MED27: variants seen among roughly 807,000 people sequenced by gnomAD.
MED27 encodes the protein mediator of RNA polymerase II transcription subunit 27.
Under a neutral mutation model 38.2 loss-of-function variants are expected in MED27, and 30 were observed. The ratio of observed to expected loss-of-function variants is 0.79; its 90% CI spans 0.59 to 1.07. The LOEUF (loss-of-function observed/expected upper bound fraction) is 1.07, where lower values mean the gene tolerates loss of function less well. MED27 is among the 50% of genes least tolerant of loss of function. The probability of loss-of-function intolerance (pLI) is 0.00; values close to 1 mark genes in which losing one functional copy is unlikely to be tolerated. For synonymous variants in MED27, 122 were observed against 153.5 expected, an observed-to-expected ratio of 0.79 and a Z score of 1.52; for missense variants, 289 against 397.5, an observed-to-expected ratio of 0.73 and a Z score of 2.32.
chr9:132,032,293 T>G (rs1267241001), intron 2 of MED27: 3 of 152,226 alleles, frequency 2.0e-5, no homozygotes, highest in African/African-American at 7.2e-5. Context: ...CTCCTTTTTA[T>G]AGGTTCTTAT....
At chr9:132,050,357 C>T (rs1833436819) in intron 2 of MED27, among the ~76,000 whole-genome samples, 2 of 152,264 alleles carry the variant, frequency 1.3e-5, no homozygotes, top group South Asian at 2.1e-4. Context: ...AGATGAGGGG[C>T]GGTCCAGGTG....
chr9:131,969,683 G>A (rs1193469659), intron 3 of MED27, among the ~76,000 whole-genome samples: 3 of 152,116 alleles, frequency 2.0e-5, no homozygotes, highest in South Asian at 2.1e-4. Flanking sequence ...GAGCAGGTCC[G>A]GGGTGATGTG....
At chr9:132,053,308 T>C (rs1355216975) in intron 2 of MED27, among the ~76,000 whole-genome samples, 1 of 150,710 alleles carries the variant, frequency 6.6e-6, no homozygotes, top group Non-Finnish European at 1.5e-5. Context: ...TGAGTTAGGC[T>C]GGCTGCTGAG....
intron 4 of MED27, among the ~76,000 whole-genome samples, chr9:131,921,739 G>A (rs1478102329): frequency 2.0e-5 from 3 of 152,066 alleles, no homozygotes; most frequent in Non-Finnish European, 2.9e-5. Context: ...TGTTTACTGC[G>A]GCACTATTCA....
intron 6 of MED27, among the ~76,000 whole-genome samples, chr9:131,878,736 C>T (rs1187714644): frequency 6.6e-6 from 1 of 152,192 alleles, no homozygotes; most frequent in Non-Finnish European, 1.5e-5. Flanking sequence ...ACAGTGGCTG[C>T]CCCTGCAGAG....
At chr9:131,893,380 C>T (rs1240519238) in intron 5 of MED27, among the ~76,000 whole-genome samples, 1 of 152,154 alleles carries the variant, frequency 6.6e-6, no homozygotes, top group Non-Finnish European at 1.5e-5. Context: ...TTCCATGAAA[C>T]AAGTCACCCG....
chr9:131,888,371 G>A (rs1416556560), intron 5 of MED27, among the ~76,000 whole-genome samples: 2 of 152,154 alleles, frequency 1.3e-5, no homozygotes, highest in Non-Finnish European at 2.9e-5. Flanking sequence ...GTGTGCAGAG[G>A]CCCAGCTCTT....
intron 2 of MED27, among the ~76,000 whole-genome samples, chr9:132,052,205 C>T (rs1359232871): frequency 6.6e-6 from 1 of 152,186 alleles, no homozygotes; most frequent in Non-Finnish European, 1.5e-5. Flanking sequence ...CATTCTTGTA[C>T]ATTTCCTTTA....
chr9:131,888,866 G>A (rs1461578273), intron 5 of MED27, among the ~76,000 whole-genome samples: 7 of 152,180 alleles, frequency 4.6e-5, no homozygotes, highest in African/African-American at 1.4e-4. Context: ...CAAGAACACA[G>A]TGTTACAGGT....
intron 6 of MED27, among the ~76,000 whole-genome samples, chr9:131,870,880 G>A (rs1196277402): frequency 6.6e-6 from 1 of 152,224 alleles, no homozygotes; most frequent in Non-Finnish European, 1.5e-5. Context: ...GTCTGACAGA[G>A]ACACCGGTGG....
intron 3 of MED27, among the ~76,000 whole-genome samples, chr9:132,005,528 A>T (rs1489119222): frequency 6.6e-6 from 1 of 152,176 alleles, no homozygotes; most frequent in East Asian, 1.9e-4. Flanking sequence ...AGCCACAATT[A>T]TAAAACTTTG....
intron 3 of MED27, among the ~76,000 whole-genome samples, chr9:131,994,382 C>A (rs1036161012): frequency 1.3e-5 from 2 of 152,224 alleles, no homozygotes; most frequent in African/African-American, 4.8e-5. Flanking sequence ...CCTCCCCCAC[C>A]CCCAATACTG....
Position 131,860,674 on chromosome 9 carries a change from TAA to T in MED27, c.802-4_802-3del. 6.2e-7 allele frequency: 1 copy of T among 1,612,876 alleles called. No individual in the cohort carries two copies. Among genetic ancestry groups the T allele is most frequent in the Non-Finnish European group, 8.5e-7 (1 of 1,179,514 alleles). Reference sequence around the variant, plus strand: ...CTTTATGTAACTTCTTAACCAGGTCTAAAAAGAGAAACGAGGAGAGAAGTGAA... The same window carrying T: ...CTTTATGTAACTTCTTAACCAGGTCTAAAGAGAAACGAGGAGAGAAGTGAA... On this transcript the variant is annotated splice_polypyrimidine_tract_variant and splice_region_variant and intron_variant, in intron 7 of 7. Transcript: ENST00000292035. The surrounding 1 kb of genome is among the most constrained non-coding windows in gnomAD (Gnocchi z 5.8).
chr9:131,980,610 C>T (rs1281083333), intron 3 of MED27, among the ~76,000 whole-genome samples: 2 of 152,138 alleles, frequency 1.3e-5, no homozygotes, highest in Non-Finnish European at 2.9e-5. Flanking sequence ...TTATGCTTCC[C>T]AATTAGTTCC....
chr9:131,988,257 T>C (rs1351050818), intron 3 of MED27, among the ~76,000 whole-genome samples: 1 of 152,236 alleles, frequency 6.6e-6, no homozygotes, highest in Non-Finnish European at 1.5e-5. Context: ...GGAATAGTTA[T>C]TAATGTATCA....
At chr9:132,008,142 C>T (rs1447689447) in intron 3 of MED27, among the ~76,000 whole-genome samples, 1 of 152,210 alleles carries the variant, frequency 6.6e-6, no homozygotes, top group Non-Finnish European at 1.5e-5. Flanking sequence ...CCTGGCCATA[C>T]TGATTGAAAG....
chr9:132,036,712 A>G (rs572687528), intron 2 of MED27, among the ~76,000 whole-genome samples: 1 of 152,340 alleles, frequency 6.6e-6, no homozygotes, highest in South Asian at 2.1e-4. Context: ...CTGTGAAAAC[A>G]CATTTATTAC....
intron 3 of MED27, among the ~76,000 whole-genome samples, chr9:131,940,024 A>G (rs1476866592): frequency 6.7e-6 from 1 of 148,854 alleles, no homozygotes; most frequent in Non-Finnish European, 1.5e-5. Flanking sequence ...CTCCTGCTTC[A>G]GCCTCCCGAG....
intron 2 of MED27, among the ~76,000 whole-genome samples, chr9:132,044,637 T>G (rs1258258590): frequency 6.6e-6 from 1 of 152,242 alleles, no homozygotes; most frequent in African/African-American, 2.4e-5. Context: ...TGCTTTGCAG[T>G]TGGATCTGCT....
Sources: gnomAD v4.1 joint callset for allele counts (sites outside exome capture counted in the v4.1 genomes callset) on GRCh38, gnomAD v4.1.1 for gene constraint, Gnocchi (gnomAD v3.1) non-coding constraint, MANE v1.5 for transcripts, NCBI Gene and HGNC (gene_info 2026-07-23, HGNC 2026-07-21) for gene names.